The following INSL6 variants were observed in gnomAD, a reference collection of about 807,000 sequenced individuals.
The protein encoded by INSL6 is insulin-like peptide INSL6.
INSL6 carries 16 observed loss-of-function variants against 9.4 expected under a neutral mutation model. That is an observed-to-expected ratio of 1.70 (90% CI 1.15 to 2.59). INSL6 has a LOEUF of 2.59. Ranked by LOEUF, INSL6 falls within the 30% of genes most tolerant of loss-of-function variation. INSL6 has a pLI of 0.00. For synonymous variants in INSL6, 154 were observed against 96.9 expected, an observed-to-expected ratio of 1.59 and a Z score of -3.46; for missense variants, 391 against 257.3, an observed-to-expected ratio of 1.52 and a Z score of -3.56.
rs757581014 is a variant in INSL6 at position 5,128,377 on chromosome 9, T to G, written c.*11-3866A>C. Among the ~76,000 whole-genome samples, 3 of 151,850 alleles carry G rather than the reference T, an allele frequency of 2.0e-5. No individual in the cohort carries two copies. The South Asian group carries it at 6.2e-4, about 31-fold the overall frequency. On this transcript the variant is annotated intron_variant, in intron 3 of 3. Transcript: ENST00000649639. ...TTAGGTTTTAAAAAGATTTTAGATT[T>G]TTTTGAAAGTTTAATTTTTATTTGT... is the stretch of plus-strand genomic sequence containing the variant.
chr9:5,124,120 G>C lies in INSL6; in HGVS notation c.*402C>G, dbSNP rs564376126. On this transcript the variant is annotated 3_prime_UTR_variant, in exon 4 of 4. Coordinates refer to the INSL6 transcript ENST00000649639. ...AATTCTGGATGGTAGTTCCTTGTCA[G>C]ATACAAAGTTTGCAAATATTTTCTC... Among the ~76,000 whole-genome samples, 5 of 151,794 alleles carry C rather than the reference G, an allele frequency of 3.3e-5. No homozygotes were observed. The South Asian group carries it at 8.3e-4, about 25-fold the overall frequency.
At chr9:5,164,600 A>G (rs981823502) in intron 1 of INSL6, among the ~76,000 whole-genome samples, 4 of 152,230 alleles carry the variant, frequency 2.6e-5, no homozygotes, top group African/African-American at 9.6e-5. Context: ...GAACATCTGT[A>G]TCCAAAAAGA....
At chr9:4,998,415 C>T in the INSL6 span, among the ~76,000 whole-genome samples, 1 of 152,228 alleles carries the variant, frequency 6.6e-6, no homozygotes, top group East Asian at 1.9e-4. Flanking sequence ...CACCACCACG[C>T]CCAGCTAATT....
the INSL6 span, chr9:5,085,303 A>C: frequency 1.4e-6 from 1 of 731,140 alleles, no homozygotes. Context: ...ACATGAGGTG[A>C]AGTCGAATAC....
chr9:5,118,985 C>T (rs890674751), downstream of INSL6, among the ~76,000 whole-genome samples: 3 of 152,090 alleles, frequency 2.0e-5, no homozygotes, highest in African/African-American at 4.8e-5. Flanking sequence ...TACACTTTCA[C>T]GTGGATGTAC....
downstream of INSL6, among the ~76,000 whole-genome samples, chr9:5,158,905 G>A (rs565213814): frequency 2.4e-4 from 37 of 152,132 alleles, no homozygotes; most frequent in African/African-American, 8.7e-4. Flanking sequence ...AAAGATGAAA[G>A]ATAAAATCAT....
At chr9:5,138,865 C>T (rs1026050309) in intron 2 of INSL6, among the ~76,000 whole-genome samples, 2 of 151,852 alleles carry the variant, frequency 1.3e-5, no homozygotes, top group Non-Finnish European at 1.5e-5. Flanking sequence ...GAAATACATC[C>T]CCAAGTACTC....
At chr9:5,077,736 A>C in the INSL6 span, among the ~76,000 whole-genome samples, 3 of 152,228 alleles carry the variant, frequency 2.0e-5, no homozygotes, top group Non-Finnish European at 2.9e-5. Flanking sequence ...TACTTTAGGC[A>C]TATGTTTATG....
the INSL6 span, chr9:5,099,694 C>T: frequency 9.1e-4 from 138 of 152,252 alleles, no homozygotes; most frequent in African/African-American, 3.0e-3. Flanking sequence ...TTCTATTCAA[C>T]GATGATTAAT....
chr9:5,185,279 A>C, intron 1 of INSL6, 35 bp downstream of exon 1: 6 of 1,613,418 alleles, frequency 3.7e-6, no homozygotes, highest in Non-Finnish European at 5.1e-6. Flanking sequence ...AAATATACAG[A>C]GGTGAACAAA....
chr9:5,049,246 G>C, the INSL6 span, among the ~76,000 whole-genome samples: 1 of 152,092 alleles, frequency 6.6e-6, no homozygotes, highest in Non-Finnish European at 1.5e-5. Context: ...GCCAATGGAA[G>C]AGACATGATG....
the INSL6 span, among the ~76,000 whole-genome samples, chr9:5,014,681 G>C: frequency 1.7e-4 from 26 of 152,262 alleles, no homozygotes; most frequent in South Asian, 4.3e-3. Context: ...GTACACTTAA[G>C]ATTTGTGCAT....
chr9:5,116,892 T>C, the INSL6 span, among the ~76,000 whole-genome samples: 1 of 152,228 alleles, frequency 6.6e-6, no homozygotes, highest in African/African-American at 2.4e-5. Context: ...AGTGCAATAA[T>C]TAAGGTACTG....
At chr9:5,117,923 T>C in the INSL6 span, among the ~76,000 whole-genome samples, 4 of 152,222 alleles carry the variant, frequency 2.6e-5, no homozygotes, top group Non-Finnish European at 5.9e-5. Flanking sequence ...TTTAAGTATA[T>C]ATGCTCACTA....
At chr9:5,108,771 G>C in the INSL6 span, 55,759 of 151,804 alleles carry the variant, frequency 0.37, 11,314 homozygotes, top group African/African-American at 0.56. Context: ...TGTAAAATCA[G>C]TTATTGCCTA....
the INSL6 span, chr9:5,110,490 T>G: frequency 6.5e-6 from 1 of 154,810 alleles, no homozygotes; most frequent in Non-Finnish European, 1.4e-5. Flanking sequence ...ATTTATATGC[T>G]CAGGCTCCAT....
rs1824031369 is a variant in INSL6, at chr9:5,126,826, T to A, written c.*11-2315A>T. 6 of 1,330,232 alleles carry A rather than the reference T, an allele frequency of 4.5e-6. No individual in the cohort carries two copies. The South Asian group carries it at 7.3e-5, about 16-fold the overall frequency. 82.4% of individuals were successfully genotyped at this position (1,330,232 alleles called of 1,614,324 possible). ...CCTTCATTCTGAGACCAAAGTAGAT[T>A]TACAGAACAAAGTTTTATATTTCAC... On this transcript the variant is annotated intron_variant, in intron 3 of 3. Coordinates refer to the INSL6 transcript ENST00000649639.
chr9:5,058,288 C>T, the INSL6 span, among the ~76,000 whole-genome samples: 1 of 152,172 alleles, frequency 6.6e-6, no homozygotes, highest in African/African-American at 2.4e-5. Context: ...AATTGACTCG[C>T]AGTTCGGCAT....
chr9:5,049,672 C>G, the INSL6 span, among the ~76,000 whole-genome samples: 1 of 152,176 alleles, frequency 6.6e-6, no homozygotes, highest in African/African-American at 2.4e-5. Context: ...GAGACCACAT[C>G]TTATACAGTC....
Sources: gnomAD v4.1 joint callset for allele counts (sites outside exome capture counted in the v4.1 genomes callset) on GRCh38, gnomAD v4.1.1 for gene constraint, MANE v1.5 for transcripts, NCBI Gene and HGNC (gene_info 2026-07-23, HGNC 2026-07-21) for gene names.